The following LIN9 variants were observed in gnomAD, a reference collection of about 807,000 sequenced individuals.
LIN9 encodes lin-9 DREAM MuvB core complex component, also known as protein lin-9 homolog.
A neutral mutation model predicts 78.0 loss-of-function variants in LIN9; 18 were observed. The observed-to-expected ratio is 0.23, with a 90% CI of 0.16 to 0.34. The LOEUF is 0.34. Among genes scored for constraint, LIN9 ranks in the 10% least tolerant of loss-of-function variants. The pLI, the probability that LIN9 is intolerant of heterozygous loss-of-function variation, is 1.00. For missense variants in LIN9, 451 were observed against 644.1 expected (o/e 0.70, Z 3.25); for synonymous variants, 192 against 215.2 (o/e 0.89, Z 0.94).
chr1:226,294,995 T>A (rs1375789604), intron 4 of LIN9, among the ~76,000 whole-genome samples: 2 of 151,914 alleles, frequency 1.3e-5, no homozygotes, highest in East Asian at 1.9e-4. Flanking sequence ...GAGACAGGGT[T>A]TCGCCATGTT....
intron 8 of LIN9, 29 bp downstream of exon 8, chr1:226,267,928 A>G: frequency 6.3e-7 from 1 of 1,598,666 alleles, no homozygotes; most frequent in Non-Finnish European, 8.5e-7. Flanking sequence ...CAGGCATAAA[A>G]CACAAATGTA....
At chr1:226,303,855 C>T (rs1662725031) in intron 1 of LIN9, among the ~76,000 whole-genome samples, 1 of 152,232 alleles carries the variant, frequency 6.6e-6, no homozygotes. Context: ...GACCACCCGG[C>T]TCGGCCTCCC....
At chr1:226,264,131 C>T (rs909323687) in intron 10 of LIN9, among the ~76,000 whole-genome samples, 11 of 152,064 alleles carry the variant, frequency 7.2e-5, no homozygotes, top group Non-Finnish European at 1.5e-4. Context: ...GCCTGCAATT[C>T]CAGCACTTTG....
intron 2 of LIN9, among the ~76,000 whole-genome samples, chr1:226,300,086 C>T (rs1393532901): frequency 6.6e-6 from 1 of 151,980 alleles, no homozygotes; most frequent in Non-Finnish European, 1.5e-5. Context: ...TTATAGGCAC[C>T]TGCCACCACT....
Position 226,231,574 on chromosome 1 carries a change from T to G in LIN9, c.*927A>C, listed in dbSNP as rs1657335407. Reference sequence around the variant, plus strand: ...AAGAAAAACAACCAAAACAAGCCTTTCTTCTGCATTTCACAGCACTGGTTA... The same window carrying G: ...AAGAAAAACAACCAAAACAAGCCTTGCTTCTGCATTTCACAGCACTGGTTA... On this transcript the variant is annotated 3_prime_UTR_variant, in exon 15 of 15. Transcript: ENST00000681046. 6.6e-6 allele frequency: 1 copy of G among 152,620 alleles called. No individual in the cohort carries two copies. Among genetic ancestry groups the G allele is most frequent in the African/African-American group, 2.4e-5 (1 of 41,472 alleles). 9.5% of individuals were successfully genotyped at this position (152,620 alleles called of 1,614,324 possible).
At chr1:226,238,780 G>A (rs890426924) in intron 12 of LIN9, among the ~76,000 whole-genome samples, 191 bp downstream of exon 12, 1 of 152,096 alleles carries the variant, frequency 6.6e-6, no homozygotes, top group African/African-American at 2.4e-5. Context: ...AAAAAACTCA[G>A]AATTGACAGC....
At chr1:226,260,588 C>A (rs1659499597) in intron 10 of LIN9, among the ~76,000 whole-genome samples, 2 of 146,448 alleles carry the variant, frequency 1.4e-5, no homozygotes, top group Admixed American at 1.4e-4. Flanking sequence ...CAAATTGAAT[C>A]CAATGATGTA....
At position 226,277,768 on chromosome 1, in the gene LIN9, C is replaced by T; in HGVS notation, c.682+7G>A. On this transcript the variant is annotated splice_region_variant and intron_variant, in intron 7 of 14. Coordinates refer to ENST00000681046, the MANE Select transcript of LIN9 (RefSeq NM_001366245.2). Reference sequence around the variant, plus strand: ...GTCAAAAGAGTAATTAGCTTGTTTTCACTTACCTGTAACTTTCGTTCCAAT... The same window carrying T: ...GTCAAAAGAGTAATTAGCTTGTTTTTACTTACCTGTAACTTTCGTTCCAAT... The T allele has an allele frequency of 6.2e-7, 1 of 1,610,716 alleles. No homozygotes were observed. Among genetic ancestry groups the T allele is most frequent in the Non-Finnish European group, 8.5e-7 (1 of 1,178,654 alleles).
chr1:226,233,673 TAACA>T, intron 12 of LIN9, 150 bp from the exon 13 acceptor site: 1 of 455,220 alleles, frequency 2.2e-6, no homozygotes, highest in Non-Finnish European at 3.6e-6. Context: ...TTTTTTCCTT[TAACA>T]GTTTCTGATT....
chr1:226,258,659 T>C (rs1354075197), intron 10 of LIN9, among the ~76,000 whole-genome samples: 1 of 151,278 alleles, frequency 6.6e-6, no homozygotes, highest in East Asian at 2.0e-4. Context: ...GGGAGGCTGA[T>C]GCGAGCGGAT....
chr1:226,253,578 C>T (rs1191079195), intron 10 of LIN9, among the ~76,000 whole-genome samples: 1 of 150,128 alleles, frequency 6.7e-6, no homozygotes, highest in Non-Finnish European at 1.5e-5. Flanking sequence ...TACATACAGG[C>T]ATAAGCCATC....
intron 7 of LIN9, among the ~76,000 whole-genome samples, chr1:226,275,037 AT>A (rs1366496020): frequency 3.3e-5 from 5 of 152,054 alleles, no homozygotes; most frequent in Admixed American, 2.6e-4. Flanking sequence ...AAGTACAGCA[AT>A]TTTTTTATTG....
intron 7 of LIN9, among the ~76,000 whole-genome samples, chr1:226,269,584 C>G (rs188203523): frequency 6.6e-6 from 1 of 152,100 alleles, no homozygotes; most frequent in Non-Finnish European, 1.5e-5. Context: ...CCAACGTGGT[C>G]GATGAGAATG....
intron 4 of LIN9, among the ~76,000 whole-genome samples, chr1:226,291,829 G>A (rs2102643892): frequency 6.6e-6 from 1 of 151,182 alleles, no homozygotes; most frequent in Admixed American, 6.6e-5. Flanking sequence ...TCCTTTTTCT[G>A]TTCCAGAAAC....
At chr1:226,309,450 G>C (rs867242348), upstream of LIN9, 8 of 1,084,894 alleles carry the variant, frequency 7.4e-6, no homozygotes, top group Non-Finnish European at 9.1e-6. Context: ...ACCAGCTCCG[G>C]AGTCCCGCCC....
chr1:226,290,450 C>T (rs990128049), intron 4 of LIN9, among the ~76,000 whole-genome samples: 1 of 151,864 alleles, frequency 6.6e-6, no homozygotes, highest in South Asian at 2.1e-4. Flanking sequence ...ACGCCATTCT[C>T]CTGTCTCAGC....
chr1:226,262,007 C>T (rs763020675), intron 10 of LIN9, among the ~76,000 whole-genome samples: 68 of 152,136 alleles, frequency 4.5e-4, no homozygotes, highest in Non-Finnish European at 7.4e-4. Flanking sequence ...AAGGCAGTTG[C>T]GCAACAAATG....
chr1:226,282,526 A>G (rs72762700), intron 6 of LIN9, among the ~76,000 whole-genome samples: 14,692 of 152,324 alleles, frequency 0.096, 858 homozygotes, highest in South Asian at 0.15. Context: ...CTGATAGTTA[A>G]AAGCAGTATC....
chr1:226,249,885 TG>T (rs1398045270), intron 11 of LIN9, among the ~76,000 whole-genome samples: 1 of 152,184 alleles, frequency 6.6e-6, no homozygotes, highest in Non-Finnish European at 1.5e-5. Flanking sequence ...TAAAAAACTC[TG>T]GGCCGGGTGC....
Sources: gnomAD v4.1 joint callset for allele counts (sites outside exome capture counted in the v4.1 genomes callset) on GRCh38, gnomAD v4.1.1 for gene constraint, MANE v1.5 for transcripts, NCBI Gene and HGNC (gene_info 2026-07-23, HGNC 2026-07-21) for gene names.